TMEM179: variants seen among roughly 807,000 people sequenced by gnomAD.
TMEM179 encodes transmembrane protein 179, also known as transmembrane protein 179A.
In TMEM179, 17 loss-of-function variants were observed where a neutral mutation model predicts 22.2. The observed-to-expected ratio is 0.77, with a 90% CI of 0.52 to 1.15. The LOEUF (loss-of-function observed/expected upper bound fraction) is 1.15, where lower values mean the gene tolerates loss of function less well. Ranked by LOEUF, TMEM179 falls within the 50% of genes most tolerant of loss-of-function variation. TMEM179 has a pLI of 0.00. For missense variants in TMEM179, 265 were observed against 313.6 expected, an observed-to-expected ratio of 0.84 and a Z score of 1.17; for synonymous variants, 127 against 140.5, an observed-to-expected ratio of 0.90 and a Z score of 0.68.
At position 104,595,923 on chromosome 14, in the gene TMEM179, G is replaced by A. The variant is rs537705086; in HGVS notation, c.444-680C>T. Among the ~76,000 whole-genome samples the A allele has an allele frequency of 2.6e-5, 4 of 152,398 alleles. No individual in the cohort carries two copies. The highest frequency in any genetic ancestry group is 7.2e-5 in the African/African-American group (3 of 41,602). ...GGCCCAGCGGCCCCAAATCCCTGGA[G>A]GGGCTGAAGGGCTGGAAACAGTGTC... On this transcript the variant is annotated intron_variant, in intron 2 of 3. Transcript: ENST00000556573. This position sits in a 1 kb window ranked among gnomAD's most constrained non-coding sequence, Gnocchi z 5.7.
At position 104,592,730 on chromosome 14, in the gene TMEM179, A is replaced by C. The variant is rs758354786; in HGVS notation, c.*749T>G. 3.3e-5 allele frequency among the ~76,000 whole-genome samples: 5 copies of C among 152,106 alleles called. No homozygotes were observed. The highest frequency in any genetic ancestry group is 7.4e-5 in the Non-Finnish European group (5 of 68,018). On this transcript the variant is annotated 3_prime_UTR_variant, in exon 4 of 4. Coordinates refer to ENST00000556573, the MANE Select transcript of TMEM179 (RefSeq NM_001286389.2). ...CAATCACATCCTCCCATACTCACCCACACACAGACCCCTGCCATGGCTCCT... is the reference window on the plus strand; with the variant it reads ...CAATCACATCCTCCCATACTCACCCCCACACAGACCCCTGCCATGGCTCCT...
intron 1 of TMEM179, among the ~76,000 whole-genome samples, chr14:104,602,163 G>A (rs10873548): frequency 0.72 from 110,081 of 152,192 alleles, 40,583 homozygotes; most frequent in Non-Finnish European, 0.77. Flanking sequence ...CTGCTGTTAC[G>A]GCATCCCTGG....
Position 104,591,225 on chromosome 14 carries a change from T to C in TMEM179, c.*2254A>G, listed in dbSNP as rs889327732. ...GGCCATGGGGCTGTTCCACACCTGC[T>C]CCTGGGATCCAGCAGTGCAGCCCCC... is the stretch of plus-strand genomic sequence containing the variant. On this transcript the variant is annotated 3_prime_UTR_variant, in exon 4 of 4. Coordinates refer to ENST00000556573, the MANE Select transcript of TMEM179 (RefSeq NM_001286389.2). The C allele has an allele frequency of 1.1e-5, 4 of 374,834 alleles. No individual in the cohort carries two copies. The highest frequency in any genetic ancestry group is 2.1e-5 in the Non-Finnish European group (4 of 191,090). 23.2% of individuals were successfully genotyped at this position (374,834 alleles called of 1,614,324 possible).
Position 104,597,229 on chromosome 14 carries a change from C to G in TMEM179, c.306-102G>C. 2 of 1,455,114 alleles carry G rather than the reference C, an allele frequency of 1.4e-6. No homozygotes were observed. The highest frequency in any genetic ancestry group is 1.8e-6 in the Non-Finnish European group (2 of 1,096,028). 90.1% of individuals were successfully genotyped at this position (1,455,114 alleles called of 1,614,324 possible). A position where few individuals can be genotyped will look rare whatever the true frequency, so the allele number is the denominator to read the frequency against. On this transcript the variant is annotated intron_variant, in intron 1 of 3. Transcript: ENST00000556573. The surrounding 1 kb of genome is among the most constrained non-coding windows in gnomAD (Gnocchi z 4.8). The stretch of plus-strand genomic sequence containing the variant: ...AAACAGGAGGGGCAGGCTCACTGGA[C>G]GCCATCTCCTGGGCAACCCCCACCA...
chr14:104,593,617 G>A lies in TMEM179; in HGVS notation c.564C>T (p.Thr188=). ...WASWLAWLAI[T]TLAFLKVYHN... The stretch of plus-strand genomic sequence containing the variant: ...GGTAGACCTTCAGGAAGGCCAGCGT[G>A]GTGATGGCCAGCCAGGCCAGCCATG... Residue 188 remains threonine, a synonymous_variant, in exon 4 of 4, where the codon ACC becomes ACT. Transcript: ENST00000556573. 6.7e-7 allele frequency: 1 copy of A among 1,497,738 alleles called. No homozygotes were observed. 92.8% of individuals were successfully genotyped at this position (1,497,738 alleles called of 1,614,324 possible).
rs1158991192 is a variant in TMEM179 at position 104,595,149 on chromosome 14, G to T, written c.522+16C>A. The T allele has an allele frequency of 2.5e-6, 4 of 1,613,566 alleles. No homozygotes were observed. Among genetic ancestry groups the T allele is most frequent in the Non-Finnish European group, 8.5e-7 (1 of 1,179,926 alleles). On this transcript the variant is annotated intron_variant, in intron 3 of 3. Transcript: ENST00000556573. The surrounding 1 kb of genome is among the most constrained non-coding windows in gnomAD (Gnocchi z 5.7). Reference sequence around the variant, plus strand: ...CCCAGCATTGCAAGCCTCCCTTCTTGCCCAGAGCCCCCTACCTGGGCAATT... The same window carrying T: ...CCCAGCATTGCAAGCCTCCCTTCTTTCCCAGAGCCCCCTACCTGGGCAATT...
Position 104,594,455 on chromosome 14 carries a change from C to A in TMEM179, c.522+710G>T, listed in dbSNP as rs530594645. ...AGCCAGGTGTCTGGTCTCAGCCACC[C>A]CCACCCGGCACCCCTCATCTGCCTC... On this transcript the variant is annotated intron_variant, in intron 3 of 3. Coordinates refer to ENST00000556573, the MANE Select transcript of TMEM179 (RefSeq NM_001286389.2). The A allele has an allele frequency of 8.9e-6, 11 of 1,231,814 alleles. No homozygotes were observed. In the East Asian group the frequency reaches 2.2e-4, roughly 25 times the overall value. The allele number at this position is 1,231,814 out of a possible 1,614,324, so 76.3% of individuals were successfully genotyped here. A position where few individuals can be genotyped will look rare whatever the true frequency, so the allele number is the denominator to read the frequency against.
Position 104,592,825 on chromosome 14 carries a change from G to A in TMEM179, c.*654C>T, listed in dbSNP as rs535769655. 2.0e-5 allele frequency among the ~76,000 whole-genome samples: 3 copies of A among 152,250 alleles called. No individual in the cohort carries two copies. The South Asian group carries it at 6.2e-4, about 32-fold the overall frequency. On this transcript the variant is annotated 3_prime_UTR_variant, in exon 4 of 4. Coordinates refer to ENST00000556573, the MANE Select transcript of TMEM179 (RefSeq NM_001286389.2). ...CAGATGATGCCCCCGATTCTGTGGA[G>A]CCCAGATTACCACTTCCCTGACCCT...
chr14:104,596,909 A>T, intron 2 of TMEM179, 81 bp downstream of exon 2: 1 of 1,535,906 alleles, frequency 6.5e-7, no homozygotes, highest in South Asian at 1.2e-5. Flanking sequence ...TTCGTGAGGG[A>T]AGATCACCCA....
At position 104,595,159 on chromosome 14, in the gene TMEM179, C is replaced by T. The variant is rs766086079; in HGVS notation, c.522+6G>A. On this transcript the variant is annotated splice_donor_region_variant and intron_variant, in intron 3 of 3. Transcript: ENST00000556573. The surrounding 1 kb of genome is among the most constrained non-coding windows in gnomAD (Gnocchi z 5.7). ...CAAGCCTCCCTTCTTGCCCAGAGCC[C>T]CCTACCTGGGCAATTGCAAACTGAT... 2.5e-6 allele frequency: 4 copies of T among 1,613,714 alleles called. No individual in the cohort carries two copies. The highest frequency in any genetic ancestry group is 1.3e-5 in the African/African-American group (1 of 74,934).
At position 104,598,668 on chromosome 14, in the gene TMEM179, G is replaced by A. The variant is rs75349348; in HGVS notation, c.306-1541C>T. 8.3e-3 allele frequency among the ~76,000 whole-genome samples: 1,269 copies of A among 152,330 alleles called. 18 individuals are homozygous for A. The highest frequency in any genetic ancestry group is 0.029 in the African/African-American group (1,203 of 41,574). ...GCTGAGGATAAACCCAGGCCACAGC[G>A]CCCAACTCAGAGCAGGCGACACCAG... On this transcript the variant is annotated intron_variant, in intron 1 of 3. Coordinates refer to ENST00000556573, the MANE Select transcript of TMEM179 (RefSeq NM_001286389.2).
intron 1 of TMEM179, among the ~76,000 whole-genome samples, chr14:104,599,066 C>T (rs1166365250): frequency 1.3e-5 from 2 of 152,202 alleles, no homozygotes; most frequent in African/African-American, 4.8e-5. Flanking sequence ...GAAAGAGCAG[C>T]GGCAAAAGTT....
Position 104,591,119 on chromosome 14 carries a change from G to A in TMEM179, c.*2360C>T, listed in dbSNP as rs1886831465. ...CTGCAGGCCCAGCTGCCCCTTCCCA[G>A]GGCGATGTGTCTGGGCTCCGGAGAC... On this transcript the variant is annotated 3_prime_UTR_variant, in exon 4 of 4. Transcript: ENST00000556573. 3.1e-6 allele frequency: 1 copy of A among 324,670 alleles called. No homozygotes were observed. The highest frequency in any genetic ancestry group is 6.0e-6 in the Non-Finnish European group (1 of 165,772). 20.1% of individuals were successfully genotyped at this position (324,670 alleles called of 1,614,324 possible).
chr14:104,594,747 A>C, intron 3 of TMEM179: 1 of 1,132,354 alleles, frequency 8.8e-7, no homozygotes, highest in Non-Finnish European at 1.1e-6. Flanking sequence ...CCCCCTGGCT[A>C]GGGGACTCCT....
At position 104,592,709 on chromosome 14, in the gene TMEM179, C is replaced by G. The variant is rs181601066; in HGVS notation, c.*770G>C. Among the ~76,000 whole-genome samples, 41 of 152,356 alleles carry G rather than the reference C, an allele frequency of 2.7e-4. 1 individual carries two copies. Among genetic ancestry groups the G allele is most frequent in the African/African-American group, 9.9e-4 (41 of 41,586 alleles). Reference sequence around the variant, plus strand: ...TCCCATGCACAAAGGCACTCACAATCACATCCTCCCATACTCACCCACACA... The same window carrying G: ...TCCCATGCACAAAGGCACTCACAATGACATCCTCCCATACTCACCCACACA... On this transcript the variant is annotated 3_prime_UTR_variant, in exon 4 of 4. Transcript: ENST00000556573.
At position 104,591,852 on chromosome 14, in the gene TMEM179, GC is replaced by G. The variant is rs964450204; in HGVS notation, c.*1626del. On this transcript the variant is annotated 3_prime_UTR_variant, in exon 4 of 4. Coordinates refer to ENST00000556573, the MANE Select transcript of TMEM179 (RefSeq NM_001286389.2). ...CAGCACTCGAGCCAAGAAACGGACA[GC>G]CCCTCATCGAGCCCCGGGTGGGGAG... 1 of 179,634 alleles carries G rather than the reference GC, an allele frequency of 5.6e-6. No homozygotes were observed. Among genetic ancestry groups the G allele is most frequent in the African/African-American group, 2.4e-5 (1 of 41,576 alleles). 11.1% of individuals were successfully genotyped at this position (179,634 alleles called of 1,614,324 possible).
chr14:104,601,802 G>A lies in TMEM179; in HGVS notation c.305+2635C>T, dbSNP rs148183601. Among the ~76,000 whole-genome samples, 767 of 152,248 alleles carry A rather than the reference G, an allele frequency of 5.0e-3. 12 individuals are homozygous for A. Among genetic ancestry groups the A allele is most frequent in the African/African-American group, 0.017 (725 of 41,554 alleles). Reference sequence around the variant, plus strand: ...GCCACAGGCCCCTTCCTGACAGCAGGAGCTGCCCGGACCTGACCTCCAGTG... The same window carrying A: ...GCCACAGGCCCCTTCCTGACAGCAGAAGCTGCCCGGACCTGACCTCCAGTG... On this transcript the variant is annotated intron_variant, in intron 1 of 3. Coordinates refer to ENST00000556573, the MANE Select transcript of TMEM179 (RefSeq NM_001286389.2).
At position 104,593,087 on chromosome 14, in the gene TMEM179, C is replaced by A; in HGVS notation, c.*392G>T. The A allele has an allele frequency of 4.0e-6, 1 of 246,944 alleles. No individual in the cohort carries two copies. The highest frequency in any genetic ancestry group is 2.2e-5 in the African/African-American group (1 of 44,714). 15.3% of individuals were successfully genotyped at this position (246,944 alleles called of 1,614,324 possible). A position where few individuals can be genotyped will look rare whatever the true frequency, so the allele number is the denominator to read the frequency against. On this transcript the variant is annotated 3_prime_UTR_variant, in exon 4 of 4. Transcript: ENST00000556573. ...GAATTCGTTCAGGGCTAAGTGACAT[C>A]TGGCCACCCCTGGGCCAGCTGGCAT...
Position 104,595,119 on chromosome 14 carries a change from C to A in TMEM179, c.522+46G>T. On this transcript the variant is annotated intron_variant, in intron 3 of 3. Transcript: ENST00000556573. The surrounding 1 kb of genome is among the most constrained non-coding windows in gnomAD (Gnocchi z 5.7). ...CAGCAAATGTCCAGCAGTAAATGGC[C>A]CCCTCCCAGCATTGCAAGCCTCCCT... 1 of 1,612,274 alleles carries A rather than the reference C, an allele frequency of 6.2e-7. No individual in the cohort carries two copies. The highest frequency in any genetic ancestry group is 8.5e-7 in the Non-Finnish European group (1 of 1,179,228).
Sources: allele counts gnomAD v4.1 joint callset (sites outside exome capture counted in the v4.1 genomes callset), GRCh38; gene constraint gnomAD v4.1.1; non-coding constraint Gnocchi (gnomAD v3.1); transcripts MANE v1.5; gene names NCBI Gene and HGNC (gene_info 2026-07-23, HGNC 2026-07-21).